The following SLC24A3 variants were observed in gnomAD, a reference collection of about 807,000 sequenced individuals.
The protein encoded by SLC24A3 is sodium/potassium/calcium exchanger 3.
SLC24A3 carries 28 observed loss-of-function variants against 75.8 expected under a neutral mutation model. The ratio of observed to expected loss-of-function variants is 0.37; its 90% CI spans 0.27 to 0.51. The LOEUF (loss-of-function observed/expected upper bound fraction) is 0.51. SLC24A3 is among the 20% of genes least tolerant of loss of function. The pLI is 0.94. For missense variants in SLC24A3, 663 were observed against 847.8 expected, an observed-to-expected ratio of 0.78 and a Z score of 2.71; for synonymous variants, 372 against 334.1, an observed-to-expected ratio of 1.11 and a Z score of -1.24.
intron 2 of SLC24A3, among the ~76,000 whole-genome samples, chr20:19,293,136 ATATC>A (rs1983980982): frequency 6.6e-6 from 1 of 152,104 alleles, no homozygotes; most frequent in African/African-American, 2.4e-5. Flanking sequence ...CCTTTGGACA[ATATC>A]TTTCCACATT....
chr20:19,325,732 A>ATATG lies in SLC24A3; in HGVS notation c.271+44646_271+44647insATGT, dbSNP rs1555788001. The stretch of plus-strand genomic sequence containing the variant: ...TATTTGCAAATATGCATATATATAT[A>ATATG]TGTGTGTGTGTGTGTGTGTGTATAC... On this transcript the variant is annotated intron_variant, in intron 2 of 16. Coordinates refer to ENST00000328041, the MANE Select transcript of SLC24A3 (RefSeq NM_020689.4). Among the ~76,000 whole-genome samples the ATATG allele has an allele frequency of 3.7e-3, 284 of 75,928 alleles. 2 individuals carry two copies. The highest frequency in any genetic ancestry group is 0.014 in the African/African-American group (277 of 19,630). 49.8% of individuals were successfully genotyped at this position (75,928 alleles called of 152,430 possible).
intron 12 of SLC24A3, 118 bp from the exon 13 acceptor site, chr20:19,693,141 A>T: frequency 9.2e-7 from 1 of 1,088,916 alleles, no homozygotes; most frequent in Non-Finnish European, 1.3e-6. Flanking sequence ...AGAGCAATAT[A>T]ATAAGGTTTA....
At chr20:19,453,258 G>A (rs1987522042) in intron 2 of SLC24A3, among the ~76,000 whole-genome samples, 1 of 152,102 alleles carries the variant, frequency 6.6e-6, no homozygotes, top group Non-Finnish European at 1.5e-5. Context: ...ACTGAGGCAG[G>A]AGGATTGTTT....
At chr20:19,662,918 T>A (rs954706373) in intron 7 of SLC24A3, among the ~76,000 whole-genome samples, 2 of 152,214 alleles carry the variant, frequency 1.3e-5, no homozygotes, top group African/African-American at 4.8e-5. Flanking sequence ...ACCCTCCCGA[T>A]GGAACGTTCT....
chr20:19,587,405 G>T (rs909972862), intron 6 of SLC24A3, among the ~76,000 whole-genome samples: 3 of 152,188 alleles, frequency 2.0e-5, no homozygotes, highest in Non-Finnish European at 4.4e-5. Flanking sequence ...AAAAATGCTG[G>T]TGTCTGTCCC....
chr20:19,261,891 C>T (rs914065557), intron 1 of SLC24A3: 1 of 152,190 alleles, frequency 6.6e-6, no homozygotes, highest in African/African-American at 2.4e-5. Context: ...AAATAGAAAA[C>T]AATGCAAAAT....
intron 2 of SLC24A3, among the ~76,000 whole-genome samples, chr20:19,336,661 G>A (rs1361341397): frequency 6.7e-6 from 1 of 150,350 alleles, no homozygotes; most frequent in African/African-American, 2.4e-5. Context: ...GGGATTAGAG[G>A]CGTGAGCCAC....
At chr20:19,457,282 G>A (rs1368703382) in intron 2 of SLC24A3, among the ~76,000 whole-genome samples, 1 of 152,148 alleles carries the variant, frequency 6.6e-6, no homozygotes, top group Non-Finnish European at 1.5e-5. Context: ...CATCTCATTT[G>A]CTGCATAACC....
chr20:19,407,378 G>C (rs550709762), intron 2 of SLC24A3, among the ~76,000 whole-genome samples: 4 of 152,326 alleles, frequency 2.6e-5, no homozygotes, highest in South Asian at 4.1e-4. Context: ...TCTTCCTCCT[G>C]TGAGTTGAGA....
chr20:19,549,676 C>G (rs1340495762), intron 3 of SLC24A3, among the ~76,000 whole-genome samples: 1 of 152,126 alleles, frequency 6.6e-6, no homozygotes, highest in Non-Finnish European at 1.5e-5. Flanking sequence ...CCCAGCTACT[C>G]AGGAGGCTGA....
At chr20:19,698,237 C>T (rs1042090819) in intron 14 of SLC24A3, among the ~76,000 whole-genome samples, 1 of 152,220 alleles carries the variant, frequency 6.6e-6, no homozygotes, top group Non-Finnish European at 1.5e-5. Context: ...AATCACTTCC[C>T]GCCAAGCCTC....
At chr20:19,339,315 T>A (rs530634363) in intron 2 of SLC24A3, among the ~76,000 whole-genome samples, 25 of 152,244 alleles carry the variant, frequency 1.6e-4, no homozygotes, top group South Asian at 4.1e-4. Context: ...TTGTGCAGCA[T>A]CTGTGGGTGT....
At position 19,212,997 on chromosome 20, in the gene SLC24A3, T is replaced by C; in HGVS notation, c.142+13T>C. On this transcript the variant is annotated intron_variant, in intron 1 of 16. Transcript: ENST00000328041. Reference sequence around the variant, plus strand: ...CGAGAGCAGAAGGGTGAGTGCACGCTGCCTGCCCCGAGTGGGCGCTGCGGC... The same window carrying C: ...CGAGAGCAGAAGGGTGAGTGCACGCCGCCTGCCCCGAGTGGGCGCTGCGGC... The C allele has an allele frequency of 7.9e-7, 1 of 1,260,666 alleles. No individual in the cohort carries two copies. The highest frequency in any genetic ancestry group is 1.0e-6 in the Non-Finnish European group (1 of 1,000,864). The allele number at this position is 1,260,666 out of a possible 1,614,324, so 78.1% of individuals were successfully genotyped here. A position where few individuals can be genotyped will look rare whatever the true frequency, so the allele number is the denominator to read the frequency against.
At chr20:19,549,967 A>G (rs1054784052) in intron 3 of SLC24A3, among the ~76,000 whole-genome samples, 17 of 152,232 alleles carry the variant, frequency 1.1e-4, no homozygotes, top group Non-Finnish European at 7.3e-5. Context: ...ATAACCTTCC[A>G]AAACCATTAC....
At chr20:19,452,210 A>C (rs995095734) in intron 2 of SLC24A3, among the ~76,000 whole-genome samples, 4 of 152,212 alleles carry the variant, frequency 2.6e-5, no homozygotes, top group Non-Finnish European at 5.9e-5. Flanking sequence ...TATACTTTTT[A>C]AAGAACAGGG....
At chr20:19,346,532 G>T (rs902580159) in intron 2 of SLC24A3, among the ~76,000 whole-genome samples, 1 of 151,742 alleles carries the variant, frequency 6.6e-6, no homozygotes, top group Non-Finnish European at 1.5e-5. Flanking sequence ...TGGCATAATG[G>T]TATTAGCTGC....
chr20:19,633,372 G>A (rs574016603), intron 6 of SLC24A3, among the ~76,000 whole-genome samples: 42 of 152,200 alleles, frequency 2.8e-4, no homozygotes, highest in Admixed American at 5.2e-4. Flanking sequence ...AGTCGTGGCC[G>A]GGCGCGGTGG....
chr20:19,699,588 A>C (rs984398706), intron 15 of SLC24A3, among the ~76,000 whole-genome samples: 1 of 152,186 alleles, frequency 6.6e-6, no homozygotes, highest in Non-Finnish European at 1.5e-5. Context: ...GCATCCTATG[A>C]CCATCCTCTA....
chr20:19,316,552 A>G (rs1984592976), intron 2 of SLC24A3, among the ~76,000 whole-genome samples: 1 of 152,224 alleles, frequency 6.6e-6, no homozygotes. Context: ...GAAAATGTCT[A>G]GCATTTTCAA....
Sources: allele counts gnomAD v4.1 joint callset (sites outside exome capture counted in the v4.1 genomes callset), GRCh38; gene constraint gnomAD v4.1.1; transcripts MANE v1.5; gene names NCBI Gene and HGNC (gene_info 2026-07-23, HGNC 2026-07-21).